The following SNX14 variants were observed in gnomAD, a reference collection of about 807,000 sequenced individuals.
SNX14 encodes the protein sorting nexin-14.
Under a neutral mutation model 133.8 loss-of-function variants are expected in SNX14, and 93 were observed. The observed-to-expected ratio is 0.70, with a 90% CI of 0.59 to 0.83. The LOEUF is 0.83. Ranked by LOEUF, SNX14 falls within the 40% of genes least tolerant of loss-of-function variation. SNX14 has a pLI of 0.00. For missense variants in SNX14, 945 were observed against 1,094.9 expected, an observed-to-expected ratio of 0.86 and a Z score of 1.93; for synonymous variants, 368 against 365.6, an observed-to-expected ratio of 1.01 and a Z score of -0.07.
At position 85,592,854 on chromosome 6, in the gene SNX14, T is replaced by TTAGCGTGG. The variant is rs1219808700; in HGVS notation, c.140+717_140+724dup. On this transcript the variant is annotated intron_variant, in intron 1 of 28. Coordinates refer to ENST00000314673, the MANE Select transcript of SNX14 (RefSeq NM_153816.6). The stretch of plus-strand genomic sequence containing the variant: ...AAAAAAAAAAAAAAATACAAAAAAA[T>TTAGCGTGG]TAGCGTGGTAGCGTGGTGGCGTGGT... Among the ~76,000 whole-genome samples, 61 of 148,548 alleles carry TTAGCGTGG rather than the reference T, an allele frequency of 4.1e-4. 1 individual carries two copies. Among genetic ancestry groups the TTAGCGTGG allele is most frequent in the Middle Eastern group, 3.5e-3 (1 of 286 alleles).
intron 15 of SNX14, among the ~76,000 whole-genome samples, chr6:85,539,492 A>G (rs1466829523): frequency 6.6e-6 from 1 of 152,230 alleles, no homozygotes; most frequent in Admixed American, 6.5e-5. Context: ...AACAGAGAAC[A>G]TGATAAATAA....
intron 1 of SNX14, 114 bp downstream of exon 1, chr6:85,593,465 C>T (rs1056524090): frequency 2.8e-6 from 4 of 1,428,614 alleles, no homozygotes; most frequent in Non-Finnish European, 3.7e-6. Context: ...GCTCGCTCTC[C>T]CCACTGGTCC....
intron 1 of SNX14, among the ~76,000 whole-genome samples, chr6:85,592,606 T>C (rs1275440715): frequency 2.0e-5 from 3 of 152,242 alleles, no homozygotes; most frequent in Non-Finnish European, 4.4e-5. Flanking sequence ...ATCTTCTGAT[T>C]TCAAAATGTC....
At chr6:85,510,078 G>A (rs541233350) in intron 26 of SNX14, among the ~76,000 whole-genome samples, 1 of 152,118 alleles carries the variant, frequency 6.6e-6, no homozygotes, top group Non-Finnish European at 1.5e-5. Context: ...CCAAGTTTTG[G>A]CAATTCTGAA....
intron 21 of SNX14, among the ~76,000 whole-genome samples, chr6:85,525,562 A>G (rs1778255191): frequency 6.6e-6 from 1 of 152,188 alleles, no homozygotes; most frequent in Non-Finnish European, 1.5e-5. Context: ...AGAATGACAG[A>G]TTAATTCAAG....
chr6:85,553,964 C>A, intron 7 of SNX14, among the ~76,000 whole-genome samples: 1 of 151,760 alleles, frequency 6.6e-6, no homozygotes. Context: ...TTTTAAAATC[C>A]AAGGTGATAA....
At chr6:85,553,496 G>GT (rs1209619983) in intron 7 of SNX14, among the ~76,000 whole-genome samples, 1 of 152,084 alleles carries the variant, frequency 6.6e-6, no homozygotes, top group Non-Finnish European at 1.5e-5. Flanking sequence ...CTTAGAATCT[G>GT]TATCAGGCCA....
intron 4 of SNX14, among the ~76,000 whole-genome samples, chr6:85,571,828 G>A (rs1204224824): frequency 1.3e-5 from 2 of 152,146 alleles, no homozygotes; most frequent in Non-Finnish European, 2.9e-5. Context: ...GCAGTCCAGG[G>A]TTCCTTTTGG....
intron 16 of SNX14, among the ~76,000 whole-genome samples, chr6:85,538,449 T>C (rs1326263531): frequency 6.6e-6 from 1 of 152,146 alleles, no homozygotes; most frequent in African/African-American, 2.4e-5. Flanking sequence ...CTCTCACTTA[T>C]GATTATTATG....
chr6:85,587,934 C>T (rs909140838), intron 1 of SNX14, among the ~76,000 whole-genome samples: 5 of 152,080 alleles, frequency 3.3e-5, no homozygotes, highest in African/African-American at 4.8e-5. Flanking sequence ...CAGATACATA[C>T]CTTATACAAA....
In SNX14 at chr6:85,591,070, T is replaced by C. The variant is rs76468010; in HGVS notation, c.140+2509A>G. ...TATTCCACTCGGATTTCTGACTTCATAGGGGTCAGTGGCCCTAATCTCTGC... is the reference window on the plus strand; with the variant it reads ...TATTCCACTCGGATTTCTGACTTCACAGGGGTCAGTGGCCCTAATCTCTGC... On this transcript the variant is annotated intron_variant, in intron 1 of 28. Transcript: ENST00000314673. Among the ~76,000 whole-genome samples the C allele has an allele frequency of 4.0e-3, 617 of 152,348 alleles. 3 individuals carry two copies. Among genetic ancestry groups the C allele is most frequent in the African/African-American group, 0.014 (587 of 41,588 alleles).
chr6:85,575,742 G>A (rs961532634), intron 1 of SNX14, among the ~76,000 whole-genome samples: 4 of 152,168 alleles, frequency 2.6e-5, no homozygotes, highest in African/African-American at 4.8e-5. Flanking sequence ...GAGAAGAGTG[G>A]TTATGGCACA....
intron 26 of SNX14, among the ~76,000 whole-genome samples, chr6:85,512,148 A>C (rs1773074796): frequency 6.6e-6 from 1 of 152,154 alleles, no homozygotes; most frequent in Non-Finnish European, 1.5e-5. Flanking sequence ...CCCTTCCATC[A>C]GGTCAGTCAG....
At chr6:85,534,040 G>A (rs1229259523) in intron 17 of SNX14, among the ~76,000 whole-genome samples, 3 of 152,172 alleles carry the variant, frequency 2.0e-5, no homozygotes, top group Admixed American at 2.0e-4. Flanking sequence ...ATAGGCCGGG[G>A]ACAGCGCCTA....
chr6:85,591,251 C>A (rs1271599587), intron 1 of SNX14, among the ~76,000 whole-genome samples: 1 of 151,628 alleles, frequency 6.6e-6, no homozygotes, highest in Non-Finnish European at 1.5e-5. Flanking sequence ...TGAATACACA[C>A]ATAAGTTTTT....
At chr6:85,520,887 T>C (rs1013210556) in intron 21 of SNX14, among the ~76,000 whole-genome samples, 2 of 152,246 alleles carry the variant, frequency 1.3e-5, no homozygotes, top group African/African-American at 4.8e-5. Context: ...ACATTTGTGC[T>C]GTTTCTAGTT....
intron 14 of SNX14, 72 bp from the exon 15 acceptor site, chr6:85,542,115 A>G: frequency 9.4e-7 from 1 of 1,063,066 alleles, no homozygotes; most frequent in Non-Finnish European, 1.3e-6. Context: ...ACCTTAGTTT[A>G]CTACTTTCCA....
At chr6:85,557,918 G>T in intron 7 of SNX14, 58 bp downstream of exon 7, 2 of 883,480 alleles carry the variant, frequency 2.3e-6, no homozygotes, top group Admixed American at 2.0e-5. Flanking sequence ...AGATATTTCG[G>T]GTGAAAATTG....
chr6:85,535,130 C>G (rs9353320), intron 17 of SNX14, among the ~76,000 whole-genome samples: 90,117 of 150,014 alleles, frequency 0.6, 27,296 homozygotes, highest in Admixed American at 0.68. Flanking sequence ...CTGAGCTCAA[C>G]TAATCCTCCC....
Sources: allele counts gnomAD v4.1 joint callset (sites outside exome capture counted in the v4.1 genomes callset), GRCh38; gene constraint gnomAD v4.1.1; transcripts MANE v1.5; gene names NCBI Gene and HGNC (gene_info 2026-07-23, HGNC 2026-07-21).